Variants in PLCE1 observed in about 807,000 individuals in gnomAD.
The protein encoded by PLCE1 is 1-phosphatidylinositol 4,5-bisphosphate phosphodiesterase epsilon-1.
In PLCE1, 119 loss-of-function variants were observed where a neutral mutation model predicts 242.8. The observed-to-expected ratio is 0.49, with a 90% CI of 0.42 to 0.57. PLCE1 has a LOEUF of 0.57. Ranked by LOEUF, PLCE1 falls within the 20% of genes least tolerant of loss-of-function variation. The pLI is 0.00. For synonymous variants in PLCE1, 945 were observed against 1,017.4 expected (o/e 0.93, Z 1.35); for missense variants, 2,441 against 2,788.8 (o/e 0.88, Z 2.81).
chr10:94,042,868 C>G (rs1329260370), intron 2 of PLCE1, among the ~76,000 whole-genome samples: 1 of 152,184 alleles, frequency 6.6e-6, no homozygotes, highest in African/African-American at 2.4e-5. Flanking sequence ...GAGTCAGAAT[C>G]TATAGCTTAT....
At chr10:94,324,324 C>G (rs746972659) in intron 30 of PLCE1, 25 bp from the exon 31 acceptor site, 1 of 1,551,754 alleles carries the variant, frequency 6.4e-7, no homozygotes, top group South Asian at 1.1e-5. Context: ...TGTCTTTATT[C>G]AGTTGATCAT....
At chr10:94,207,514 CGTGTGTGT>C (rs56098317) in intron 4 of PLCE1, among the ~76,000 whole-genome samples, 4,551 of 142,772 alleles carry the variant, frequency 0.032, 167 homozygotes, top group African/African-American at 0.086. Context: ...AATAGTTATA[CGTGTGTGT>C]GTGTGTGTGT....
At chr10:94,111,860 G>A (rs1330117034) in intron 2 of PLCE1, among the ~76,000 whole-genome samples, 3 of 152,200 alleles carry the variant, frequency 2.0e-5, no homozygotes, top group African/African-American at 7.2e-5. Context: ...TTAAATGTTT[G>A]TAGTGCCGCC....
At chr10:94,078,721 G>A (rs951730053) in intron 2 of PLCE1, among the ~76,000 whole-genome samples, 3 of 152,132 alleles carry the variant, frequency 2.0e-5, no homozygotes, top group Non-Finnish European at 4.4e-5. Flanking sequence ...CTGACCTCAT[G>A]AACCACCCAC....
chr10:94,171,911 A>G (rs1426223967), intron 4 of PLCE1, among the ~76,000 whole-genome samples: 1 of 151,964 alleles, frequency 6.6e-6, no homozygotes. Context: ...ACCCCCTTCC[A>G]TTATTAGGAC....
intron 4 of PLCE1, among the ~76,000 whole-genome samples, chr10:94,176,260 C>G (rs1259135090): frequency 1.3e-5 from 2 of 152,032 alleles, no homozygotes; most frequent in East Asian, 1.9e-4. Flanking sequence ...ATTAGCCAGG[C>G]ATGGTGGTGC....
At chr10:94,058,578 T>TA (rs1262505654) in intron 2 of PLCE1, among the ~76,000 whole-genome samples, 2 of 152,174 alleles carry the variant, frequency 1.3e-5, no homozygotes, top group Non-Finnish European at 2.9e-5. Flanking sequence ...AATGCTGACT[T>TA]ATGTGTCTCC....
chr10:94,016,512 A>G (rs2061285640), intron 1 of PLCE1, among the ~76,000 whole-genome samples: 1 of 152,184 alleles, frequency 6.6e-6, no homozygotes, highest in South Asian at 2.1e-4. Context: ...CAGTCACATG[A>G]TATCAGGTAT....
intron 2 of PLCE1, among the ~76,000 whole-genome samples, chr10:94,110,063 T>TTTC (rs1477582569): frequency 9.3e-5 from 10 of 107,746 alleles, no homozygotes; most frequent in African/African-American, 3.4e-4. Flanking sequence ...TTTTTCTTTT[T>TTTC]TTTTTTTTTT....
Position 94,150,245 on chromosome 10 carries a change from A to G in PLCE1, c.1492+17786A>G, listed in dbSNP as rs76067834. On this transcript the variant is annotated intron_variant, in intron 3 of 32. Transcript: ENST00000371380. ...CAAAACAACCTGGCAAGGTAGAATT[A>G]TAATCCTCATTTCAAAGATGGGAAA... 5.3e-3 allele frequency among the ~76,000 whole-genome samples: 807 copies of G among 152,362 alleles called. 6 individuals are homozygous for G. The highest frequency in any genetic ancestry group is 0.017 in the African/African-American group (714 of 41,592).
intron 2 of PLCE1, among the ~76,000 whole-genome samples, chr10:94,054,966 C>T (rs1429394117): frequency 2.1e-5 from 3 of 143,016 alleles, no homozygotes; most frequent in African/African-American, 8.0e-5. Flanking sequence ...GAGCCGAGAT[C>T]GGGCCACTGC....
chr10:94,087,565 T>C (rs966365427), intron 2 of PLCE1, among the ~76,000 whole-genome samples: 14 of 151,852 alleles, frequency 9.2e-5, no homozygotes, highest in Admixed American at 9.2e-4. Flanking sequence ...GCCTGTCAAG[T>C]AGCGGAGACT....
rs571352218 is a variant in PLCE1 at position 94,316,419 on chromosome 10, A to G, written c.6133-128A>G. 6.3e-4 allele frequency: 426 copies of G among 672,084 alleles called. 8 individuals are homozygous for G. The South Asian group carries it at 6.7e-3, about 11-fold the overall frequency. 41.6% of individuals were successfully genotyped at this position (672,084 alleles called of 1,614,324 possible). A position where few individuals can be genotyped will look rare whatever the true frequency, so the allele number is the denominator to read the frequency against. ...AAGAGAATTCTTAGATCTTCCAAAA[A>G]GAATTATGCAATACTCTAGAGTAAA... On this transcript the variant is annotated intron_variant, in intron 28 of 32. Coordinates refer to ENST00000371380, the MANE Select transcript of PLCE1 (RefSeq NM_016341.4).
intron 4 of PLCE1, among the ~76,000 whole-genome samples, chr10:94,190,890 G>A (rs978429025): frequency 6.6e-6 from 1 of 152,198 alleles, no homozygotes; most frequent in African/African-American, 2.4e-5. Context: ...TGTTATAGAA[G>A]GGATGAGCGA....
intron 24 of PLCE1, among the ~76,000 whole-genome samples, chr10:94,301,933 C>T (rs2053053282): frequency 6.6e-6 from 1 of 152,116 alleles, no homozygotes; most frequent in Admixed American, 6.6e-5. Context: ...TAAGGATAAA[C>T]ATTATGTGAA....
chr10:94,132,391 C>T lies in PLCE1; in HGVS notation c.1424C>T (p.Thr475Met), dbSNP rs769965610. 5 of 1,614,128 alleles carry T rather than the reference C, an allele frequency of 3.1e-6. No individual in the cohort carries two copies. The highest frequency in any genetic ancestry group is 2.5e-6 in the Non-Finnish European group (3 of 1,179,984). Residue 475 changes from threonine to methionine, a missense_variant, in exon 3 of 33, where the codon ACG becomes ATG. By Grantham distance (81) the Thr-to-Met change is moderately conservative. This residue lies in a region of PLCE1 where 733 missense variants were observed against 754.2 expected (regional missense o/e 0.97). Coordinates refer to ENST00000371380, the MANE Select transcript of PLCE1 (RefSeq NM_016341.4). ...ACCGGTTCTCTCCTAGAAGCAACCA[C>T]GTCTTTGGGAGCAAGAAGTGGCCTT... Reference protein sequence around the residue: ...YITGSLLEATTSLGARSGLLS... With the variant: ...YITGSLLEATMSLGARSGLLS...
chr10:94,071,634 G>A (rs572501376), intron 2 of PLCE1, among the ~76,000 whole-genome samples: 4 of 150,552 alleles, frequency 2.7e-5, no homozygotes, highest in Admixed American at 2.0e-4. Context: ...CAGTATCTGG[G>A]ACTACAGGTG....
At position 94,298,524 on chromosome 10, in the gene PLCE1, G is replaced by T. The variant is rs781690094; in HGVS notation, c.5313G>T (p.Arg1771Ser). Residue 1771 changes from arginine (R) to serine (S), a missense_variant, in exon 24 of 33, where the codon AGG becomes AGT. Physicochemically the swap from Arg to Ser is moderately radical, Grantham distance 110 (BLOSUM62 -1). Coordinates refer to ENST00000371380, the MANE Select transcript of PLCE1 (RefSeq NM_016341.4). The surrounding 1 kb of genome is among the most constrained non-coding windows in gnomAD (Gnocchi z 5.2). ...ATGCCGCCAAACGTCTGTGTCGCAG[G>T]TATTCTCAGAAACTGACCCAGCACA... ...NENAAKRLCRRYSQKLTQHTA... is the reference protein window; with the variant it reads ...NENAAKRLCRSYSQKLTQHTA... The T allele has an allele frequency of 6.2e-7, 1 of 1,614,002 alleles. No homozygotes were observed. Among genetic ancestry groups the T allele is most frequent in the Non-Finnish European group, 8.5e-7 (1 of 1,180,018 alleles).
At chr10:94,221,299 G>A (rs1209226884) in intron 4 of PLCE1, among the ~76,000 whole-genome samples, 1 of 151,756 alleles carries the variant, frequency 6.6e-6, no homozygotes, top group Non-Finnish European at 1.5e-5. Context: ...CCTCTGCAAG[G>A]GTGTGTGTGT....
Sources: gnomAD v4.1 joint callset for allele counts (sites outside exome capture counted in the v4.1 genomes callset) on GRCh38, gnomAD v4.1.1 for gene constraint, gnomAD v4.1.1 regional missense constraint, Gnocchi (gnomAD v3.1) non-coding constraint, MANE v1.5 for transcripts, NCBI Gene and HGNC (gene_info 2026-07-23, HGNC 2026-07-21) for gene names.